Variants in ACSL3 observed in about 807,000 individuals in gnomAD.
ACSL3 encodes the protein acyl-CoA synthetase long chain family member 3, also known as fatty acid CoA ligase Acsl3.
ACSL3 carries 34 observed loss-of-function variants against 84.7 expected under a neutral mutation model. The ratio of observed to expected loss-of-function variants is 0.40; its 90% CI spans 0.31 to 0.53. ACSL3 has a LOEUF of 0.53. Ranked by LOEUF, ACSL3 falls within the 20% of genes least tolerant of loss-of-function variation. The probability of loss-of-function intolerance (pLI) is 0.48; values close to 1 mark genes in which losing one functional copy is unlikely to be tolerated. For missense variants in ACSL3, 680 were observed against 873.1 expected (o/e 0.78, Z 2.79); for synonymous variants, 315 against 299.4 (o/e 1.05, Z -0.54).
At chr2:222,881,800 G>A (rs1021462055) in intron 1 of ACSL3, among the ~76,000 whole-genome samples, 1 of 152,070 alleles carries the variant, frequency 6.6e-6, no homozygotes, top group Non-Finnish European at 1.5e-5. Context: ...CATTGCGCCC[G>A]GCCTCACTTT....
At chr2:222,918,498 C>G (rs1696644526) in intron 6 of ACSL3, among the ~76,000 whole-genome samples, 1 of 151,306 alleles carries the variant, frequency 6.6e-6, no homozygotes, top group Non-Finnish European at 1.5e-5. Flanking sequence ...TATTTTACTT[C>G]TGAAGCATTA....
intron 16 of ACSL3, among the ~76,000 whole-genome samples, chr2:222,940,884 T>C (rs983409247): frequency 6.6e-6 from 1 of 152,130 alleles, no homozygotes; most frequent in East Asian, 1.9e-4. Flanking sequence ...CCCTATTAGA[T>C]ACCTGTCTAA....
At chr2:222,916,290 AT>A (rs1696579759) in intron 4 of ACSL3, 28 bp from the exon 5 acceptor site, 2 of 1,395,728 alleles carry the variant, frequency 1.4e-6, no homozygotes, top group South Asian at 3.5e-5. Context: ...TTTTGATTAC[AT>A]TAAAAAAATT....
chr2:222,861,440 GGT>G (rs1220841892), intron 1 of ACSL3, 182 bp downstream of exon 1: 1 of 152,112 alleles, frequency 6.6e-6, no homozygotes, highest in Non-Finnish European at 1.5e-5. Flanking sequence ...CGGCGAGCAG[GGT>G]GGGAGGCGGC....
At chr2:222,923,308 G>A (rs1308384247) in intron 10 of ACSL3, among the ~76,000 whole-genome samples, 159 bp downstream of exon 10, 1 of 152,202 alleles carries the variant, frequency 6.6e-6, no homozygotes, top group Non-Finnish European at 1.5e-5. Context: ...GATTTCTTCA[G>A]TCTTGTTTTA....
chr2:222,875,165 C>G (rs1324700013), intron 1 of ACSL3, among the ~76,000 whole-genome samples: 1 of 152,054 alleles, frequency 6.6e-6, no homozygotes, highest in African/African-American at 2.4e-5. Flanking sequence ...GTAAATGTAC[C>G]TATTGTTATT....
At chr2:222,882,667 T>A (rs2106095123) in intron 1 of ACSL3, among the ~76,000 whole-genome samples, 1 of 152,118 alleles carries the variant, frequency 6.6e-6, no homozygotes, top group South Asian at 2.1e-4. Flanking sequence ...GTTGCCTACC[T>A]GCTGTCAGGT....
At chr2:222,940,923 T>A (rs1033684984) in intron 16 of ACSL3, among the ~76,000 whole-genome samples, 1 of 151,424 alleles carries the variant, frequency 6.6e-6, no homozygotes, top group Admixed American at 6.6e-5. Context: ...TTAAATGAGA[T>A]GGGGTTTCGC....
chr2:222,919,311 C>T (rs1696669564), intron 7 of ACSL3, 109 bp downstream of exon 7: 1 of 1,347,758 alleles, frequency 7.4e-7, no homozygotes, highest in African/African-American at 1.5e-5. Context: ...CATCAGTTTT[C>T]TAACATCAGT....
chr2:222,927,782 G>C (rs1183524871), intron 12 of ACSL3, among the ~76,000 whole-genome samples: 5 of 152,218 alleles, frequency 3.3e-5, no homozygotes, highest in Non-Finnish European at 7.3e-5. Flanking sequence ...GGATACAGCT[G>C]TGCTTCTCCT....
In ACSL3 at chr2:222,921,528, CT is replaced by C. The variant is rs547485872; in HGVS notation, c.956+99del. On this transcript the variant is annotated intron_variant, in intron 8 of 16. Transcript: ENST00000357430. ...TATTAATATATGGCTAAATTAGTCC[CT>C]CAGAGTCTGTTTGTAGTAGGCATTT... The C allele has an allele frequency of 6.8e-5, 83 of 1,227,324 alleles. No homozygotes were observed. The African/African-American group carries it at 1.1e-3, about 17-fold the overall frequency. The allele number at this position is 1,227,324 out of a possible 1,614,324, so 76.0% of individuals were successfully genotyped here. A position where few individuals can be genotyped will look rare whatever the true frequency, so the allele number is the denominator to read the frequency against.
intron 1 of ACSL3, among the ~76,000 whole-genome samples, chr2:222,872,199 A>G (rs947094323): frequency 6.6e-6 from 1 of 152,130 alleles, no homozygotes; most frequent in Admixed American, 6.5e-5. Context: ...ATCTTGGCTC[A>G]CTGCAATCTC....
At chr2:222,880,752 C>G (rs1326093637) in intron 1 of ACSL3, among the ~76,000 whole-genome samples, 4 of 151,486 alleles carry the variant, frequency 2.6e-5, no homozygotes, top group African/African-American at 4.9e-5. Flanking sequence ...ATGGCGTGAA[C>G]CCGGGAGGCG....
intron 7 of ACSL3, among the ~76,000 whole-genome samples, chr2:222,919,580 T>C (rs1045371946): frequency 3.3e-5 from 5 of 152,192 alleles, no homozygotes; most frequent in Non-Finnish European, 7.4e-5. Flanking sequence ...AGGCCTCCTT[T>C]TACTCCCTGT....
At position 222,944,195 on chromosome 2, in the gene ACSL3, A is replaced by T. The variant is rs1253646009; in HGVS notation, c.*2541A>T. 1 of 152,110 alleles carries T rather than the reference A, an allele frequency of 6.6e-6. No homozygotes were observed. The highest frequency in any genetic ancestry group is 2.4e-5 in the African/African-American group (1 of 41,422). 9.4% of individuals were successfully genotyped at this position (152,110 alleles called of 1,614,324 possible). A position where few individuals can be genotyped will look rare whatever the true frequency, so the allele number is the denominator to read the frequency against. ...TTCAGTAGTGGATTTGATATTTATAATGTTCTCTAAAGCTTGCAACTTTTT... is the reference window on the plus strand; with the variant it reads ...TTCAGTAGTGGATTTGATATTTATATTGTTCTCTAAAGCTTGCAACTTTTT... On this transcript the variant is annotated 3_prime_UTR_variant, in exon 17 of 17. Coordinates refer to ENST00000357430, the MANE Select transcript of ACSL3 (RefSeq NM_004457.5).
rs748874574 is a variant in ACSL3, at chr2:222,924,567, A to G, written c.1264A>G (p.Lys422Glu). The G allele has an allele frequency of 1.2e-6, 2 of 1,610,094 alleles. No homozygotes were observed. The highest frequency in any genetic ancestry group is 1.7e-6 in the Non-Finnish European group (2 of 1,178,436). The change falls in exon 11 of 17, where the codon AAA (lysine) becomes GAA (glutamate). Residue 422 changes from lysine (K) to glutamate (E), a missense_variant. Lys to Glu is a moderately conservative substitution (Grantham distance 56, BLOSUM62 1). Coordinates refer to ENST00000357430, the MANE Select transcript of ACSL3 (RefSeq NM_004457.5). ...TAATTACAAAATGGAACAGATTTCAAAAGGACGTAATACTCCACTGTGCGA... is the reference window on the plus strand; with the variant it reads ...TAATTACAAAATGGAACAGATTTCAGAAGGACGTAATACTCCACTGTGCGA... The part of the protein sequence containing the change: ...AYNYKMEQIS[K>E]GRNTPLCDSF...
intron 5 of ACSL3, 136 bp from the exon 6 acceptor site, chr2:222,917,910 A>T (rs1321541522): frequency 2.0e-6 from 1 of 501,814 alleles, no homozygotes; most frequent in Non-Finnish European, 3.4e-6. Context: ...AACTTTAAAA[A>T]ACATAACACT....
chr2:222,872,598 C>G (rs1695334954), intron 1 of ACSL3, among the ~76,000 whole-genome samples: 1 of 152,142 alleles, frequency 6.6e-6, no homozygotes, highest in East Asian at 1.9e-4. Context: ...TACGGCCCTT[C>G]CCTGGTGCAT....
At position 222,922,850 on chromosome 2, in the gene ACSL3, A is replaced by G; in HGVS notation, c.1080+19A>G. On this transcript the variant is annotated intron_variant, in intron 9 of 16. Coordinates refer to ENST00000357430, the MANE Select transcript of ACSL3 (RefSeq NM_004457.5). The stretch of plus-strand genomic sequence containing the variant: ...AGATCAGGTAAGTTCAGTGTCTGTG[A>G]CTTGAAATACTAAAAAATCATAGTG... The G allele has an allele frequency of 6.2e-7, 1 of 1,612,980 alleles. No homozygotes were observed. The highest frequency in any genetic ancestry group is 8.5e-7 in the Non-Finnish European group (1 of 1,179,558).
Sources: allele counts gnomAD v4.1 joint callset (sites outside exome capture counted in the v4.1 genomes callset), GRCh38; gene constraint gnomAD v4.1.1; transcripts MANE v1.5; gene names NCBI Gene and HGNC (gene_info 2026-07-23, HGNC 2026-07-21).